Variants in FRMD5 observed in about 807,000 individuals in gnomAD.
FRMD5 encodes the protein FERM domain-containing protein 5.
A neutral mutation model predicts 69.0 loss-of-function variants in FRMD5; 20 were observed. That is an observed-to-expected ratio of 0.29 (90% CI 0.20 to 0.42). FRMD5 has a LOEUF of 0.42. Ranked by LOEUF, FRMD5 falls within the 10% of genes least tolerant of loss-of-function variation. FRMD5 has a pLI of 1.00. For synonymous variants in FRMD5, 271 were observed against 260.1 expected, an observed-to-expected ratio of 1.04 and a Z score of -0.40; for missense variants, 595 against 708.6, an observed-to-expected ratio of 0.84 and a Z score of 1.82.
At chr15:44,165,362 A>C (rs1202269648) in intron 1 of FRMD5, among the ~76,000 whole-genome samples, 2 of 152,090 alleles carry the variant, frequency 1.3e-5, no homozygotes, top group African/African-American at 4.8e-5. Flanking sequence ...GTGGAGGTTG[A>C]AGTGAGCTGA....
chr15:43,975,858 C>G (rs1409341971), intron 1 of FRMD5, among the ~76,000 whole-genome samples: 1 of 151,970 alleles, frequency 6.6e-6, no homozygotes, highest in African/African-American at 2.4e-5. Flanking sequence ...CTAATATGAT[C>G]TAGATTCAAG....
chr15:43,894,288 T>C (rs1398358886), intron 7 of FRMD5, among the ~76,000 whole-genome samples: 2 of 151,602 alleles, frequency 1.3e-5, no homozygotes, highest in Admixed American at 1.3e-4. Context: ...CTGCCTGTTC[T>C]GTCTCTTCTG....
At chr15:44,029,468 C>G (rs1019922145) in intron 1 of FRMD5, among the ~76,000 whole-genome samples, 1 of 152,116 alleles carries the variant, frequency 6.6e-6, no homozygotes, top group African/African-American at 2.4e-5. Flanking sequence ...TTTACCTGCC[C>G]CAGGATAATT....
chr15:44,175,042 G>A (rs925888494), intron 1 of FRMD5, among the ~76,000 whole-genome samples: 1 of 152,136 alleles, frequency 6.6e-6, no homozygotes, highest in African/African-American at 2.4e-5. Flanking sequence ...TGCACATTCT[G>A]CACATGTATC....
intron 1 of FRMD5, among the ~76,000 whole-genome samples, chr15:44,023,286 A>G (rs1337708222): frequency 1.3e-5 from 2 of 152,182 alleles, no homozygotes; most frequent in Non-Finnish European, 2.9e-5. Flanking sequence ...AGGTTGTTAC[A>G]GGAATTGCTT....
chr15:44,127,837 A>G (rs1457667844), intron 1 of FRMD5, among the ~76,000 whole-genome samples: 1 of 152,072 alleles, frequency 6.6e-6, no homozygotes, highest in African/African-American at 2.4e-5. Flanking sequence ...TCACCACCGC[A>G]CTCCAGCCTG....
intron 1 of FRMD5, among the ~76,000 whole-genome samples, chr15:43,936,135 T>C (rs2089756895): frequency 6.6e-6 from 1 of 152,204 alleles, no homozygotes; most frequent in Non-Finnish European, 1.5e-5. Context: ...AGTGTTTGCA[T>C]TCATGGTTCA....
chr15:44,054,373 T>C (rs1263496004), intron 1 of FRMD5, among the ~76,000 whole-genome samples: 1 of 152,170 alleles, frequency 6.6e-6, no homozygotes, highest in Non-Finnish European at 1.5e-5. Flanking sequence ...GAACAACTGT[T>C]TACAACCATA....
At chr15:43,888,753 C>T (rs2140365858) in intron 9 of FRMD5, 56 bp downstream of exon 9, 2 of 1,491,160 alleles carry the variant, frequency 1.3e-6, no homozygotes, top group South Asian at 2.3e-5. Flanking sequence ...GCTCTGGCCA[C>T]CAGGAAGCAT....
chr15:43,881,756 A>G (rs540034002), intron 13 of FRMD5, among the ~76,000 whole-genome samples: 3 of 152,152 alleles, frequency 2.0e-5, no homozygotes, highest in Non-Finnish European at 4.4e-5. Flanking sequence ...AAGTAACTTG[A>G]TGGTGTTTGT....
At chr15:43,897,359 C>T (rs571949971) in intron 7 of FRMD5, among the ~76,000 whole-genome samples, 2 of 151,814 alleles carry the variant, frequency 1.3e-5, no homozygotes, top group East Asian at 3.9e-4. Flanking sequence ...TGGTAGTGTG[C>T]ACCTGTAATC....
At chr15:44,019,662 G>A (rs1043791329) in intron 1 of FRMD5, among the ~76,000 whole-genome samples, 1 of 149,744 alleles carries the variant, frequency 6.7e-6, no homozygotes, top group Non-Finnish European at 1.5e-5. Context: ...GCCTGAACCC[G>A]GGAAGCGGAG....
chr15:44,053,044 A>T (rs910880218), intron 1 of FRMD5, among the ~76,000 whole-genome samples: 1 of 152,198 alleles, frequency 6.6e-6, no homozygotes, highest in Non-Finnish European at 1.5e-5. Context: ...TTATGAGATA[A>T]TACTGCAGGG....
At chr15:44,033,615 T>C (rs1238444578) in intron 1 of FRMD5, among the ~76,000 whole-genome samples, 1 of 152,234 alleles carries the variant, frequency 6.6e-6, no homozygotes, top group Non-Finnish European at 1.5e-5. Flanking sequence ...TACAGAGAAT[T>C]ACACCAGTAA....
chr15:43,875,803 A>ATTTTTTTTTTTTTTTTTTTT (rs2088328044), intron 13 of FRMD5: 1 of 467,826 alleles, frequency 2.1e-6, no homozygotes, highest in African/African-American at 4.6e-5. Context: ...TCCTGGGCCT[A>ATTTTTTTTTTTTTTTTTTTT]GTTTTTTTTT....
chr15:44,171,241 T>C (rs1452970755), intron 1 of FRMD5, among the ~76,000 whole-genome samples: 1 of 152,248 alleles, frequency 6.6e-6, no homozygotes, highest in Non-Finnish European at 1.5e-5. Flanking sequence ...TTAGAATTTC[T>C]TGATGTATAT....
intron 13 of FRMD5, among the ~76,000 whole-genome samples, chr15:43,874,990 G>A (rs1024464904): frequency 2.0e-5 from 3 of 152,110 alleles, no homozygotes; most frequent in Admixed American, 6.6e-5. Flanking sequence ...ATGAGGTAAG[G>A]AGTTCGAGAC....
intron 1 of FRMD5, among the ~76,000 whole-genome samples, chr15:43,968,143 A>G (rs1595570239): frequency 6.6e-6 from 1 of 152,234 alleles, no homozygotes; most frequent in African/African-American, 2.4e-5. Context: ...ACTCCCACAT[A>G]CTTATCATCC....
chr15:44,185,169 C>G (rs1159209315), intron 1 of FRMD5, among the ~76,000 whole-genome samples: 1 of 152,204 alleles, frequency 6.6e-6, no homozygotes, highest in African/African-American at 2.4e-5. Context: ...CTACACCAAG[C>G]AAACTCCTCT....
Sources: allele counts gnomAD v4.1 joint callset (sites outside exome capture counted in the v4.1 genomes callset), GRCh38; gene constraint gnomAD v4.1.1; transcripts MANE v1.5; gene names NCBI Gene and HGNC (gene_info 2026-07-23, HGNC 2026-07-21).